The following PRR33 variants were observed in gnomAD, a reference collection of about 807,000 sequenced individuals.
PRR33 encodes proline rich 33.
PRR33 carries 1 observed loss-of-function variant against 0.5 expected under a neutral mutation model. That is an observed-to-expected ratio of 2.18 (90% CI 0.77 to 10.34). The LOEUF (loss-of-function observed/expected upper bound fraction) is 10.34. PRR33 is among the 30% of genes most tolerant of loss of function. The pLI is 0.13. For synonymous variants in PRR33, 226 were observed against 110.0 expected (o/e 2.06, Z -6.60); for missense variants, 552 against 251.8 (o/e 2.19, Z -8.07).
At chr11:1,906,409 T>G in the PRR33 span, among the ~76,000 whole-genome samples, 1 of 152,188 alleles carries the variant, frequency 6.6e-6, no homozygotes, top group Admixed American at 6.5e-5. Flanking sequence ...TCTGAGTGAC[T>G]GATATTTCCT....
the PRR33 span, among the ~76,000 whole-genome samples, chr11:1,904,888 C>T: frequency 1.3e-5 from 2 of 151,668 alleles, no homozygotes; most frequent in Non-Finnish European, 2.9e-5. Flanking sequence ...CTATCCTTCT[C>T]CTCCTTTCCC....
chr11:1,901,049 C>A, the PRR33 span, among the ~76,000 whole-genome samples: 1 of 152,198 alleles, frequency 6.6e-6, no homozygotes, highest in South Asian at 2.1e-4. Flanking sequence ...CGGTGGCTTA[C>A]GCCTGTAACC....
chr11:1,914,310 C>T, the PRR33 span, among the ~76,000 whole-genome samples: 1 of 145,452 alleles, frequency 6.9e-6, no homozygotes, highest in Non-Finnish European at 1.5e-5. Flanking sequence ...GGTCATGCAC[C>T]TGGGATGTCT....
At position 1,890,812 on chromosome 11, in the gene PRR33, C is replaced by T; in HGVS notation, c.-228G>A. Reference sequence around the variant, plus strand: ...TCACCCTAGTGTAGAAATGAGGCCACAGAGGCCGAGTCCCTCCAGGGATGG... The same window carrying T: ...TCACCCTAGTGTAGAAATGAGGCCATAGAGGCCGAGTCCCTCCAGGGATGG... On this transcript the variant is annotated 5_prime_UTR_variant, in exon 1 of 1. It adds an upstream start codon to the 5' untranslated region. Coordinates refer to ENST00000640310, the Ensembl canonical transcript of PRR33. 1.7e-6 allele frequency: 1 copy of T among 579,392 alleles called. No homozygotes were observed. The highest frequency in any genetic ancestry group is 3.1e-6 in the Non-Finnish European group (1 of 325,094). 35.9% of individuals were successfully genotyped at this position (579,392 alleles called of 1,614,324 possible).
the PRR33 span, among the ~76,000 whole-genome samples, chr11:1,912,248 G>GT: frequency 2.6e-5 from 4 of 151,886 alleles, no homozygotes; most frequent in African/African-American, 9.7e-5. Flanking sequence ...AATTCTTGCT[G>GT]TTTTTTGCTT....
At chr11:1,898,127 A>T in the PRR33 span, among the ~76,000 whole-genome samples, 2 of 152,348 alleles carry the variant, frequency 1.3e-5, no homozygotes, top group South Asian at 4.1e-4. Flanking sequence ...CTAGTAAGGG[A>T]TCCAGAGCAA....
the PRR33 span, among the ~76,000 whole-genome samples, chr11:1,897,327 C>G: frequency 6.6e-6 from 1 of 152,180 alleles, no homozygotes; most frequent in Non-Finnish European, 1.5e-5. This position sits in a 1 kb window ranked among gnomAD's most constrained non-coding sequence, Gnocchi z 4.0. Flanking sequence ...CTTGTTTGGT[C>G]CCAAGCCCCA....
chr11:1,902,100 C>T, the PRR33 span, among the ~76,000 whole-genome samples: 12 of 151,984 alleles, frequency 7.9e-5, no homozygotes, highest in Admixed American at 3.9e-4. Context: ...GGCGTGGTGG[C>T]GGGCGCCTGT....
chr11:1,890,292 G>T, exon 1 of PRR33: 1 of 712,076 alleles, frequency 1.4e-6, no homozygotes, highest in Non-Finnish European at 2.6e-6. Context: ...GGGGCGTGGG[G>T]CTTCAGGAAG....
At chr11:1,911,672 C>T in the PRR33 span, among the ~76,000 whole-genome samples, 7 of 151,872 alleles carry the variant, frequency 4.6e-5, no homozygotes, top group African/African-American at 1.7e-4. Flanking sequence ...TCGCCTGCCT[C>T]GGCCTCTCAA....
upstream of PRR33, among the ~76,000 whole-genome samples, chr11:1,893,732 T>C (rs1345654836): frequency 6.7e-6 from 1 of 148,388 alleles, no homozygotes; most frequent in Non-Finnish European, 1.5e-5. Context: ...GATGCATGGA[T>C]GGGTAGATGG....
the PRR33 span, among the ~76,000 whole-genome samples, chr11:1,909,612 AC>A: frequency 6.6e-6 from 1 of 152,174 alleles, no homozygotes; most frequent in East Asian, 1.9e-4. Context: ...CGTCTCAAAA[AC>A]AAAAACAAAA....
chr11:1,911,770 T>C, the PRR33 span, among the ~76,000 whole-genome samples: 1 of 152,196 alleles, frequency 6.6e-6, no homozygotes, highest in East Asian at 1.9e-4. Context: ...AGTGGTGTTA[T>C]ATTTTATCCA....
chr11:1,900,504 CA>C, the PRR33 span, among the ~76,000 whole-genome samples: 1 of 152,212 alleles, frequency 6.6e-6, no homozygotes, highest in Non-Finnish European at 1.5e-5. Flanking sequence ...GAGGGCTTAT[CA>C]GGGTCCTTTC....
the PRR33 span, among the ~76,000 whole-genome samples, chr11:1,902,296 T>C: frequency 6.6e-6 from 1 of 151,396 alleles, no homozygotes; most frequent in South Asian, 2.1e-4. Context: ...CCTTCTAATG[T>C]GGCTACTGCT....
At chr11:1,905,989 ATTTTTTT>A in the PRR33 span, among the ~76,000 whole-genome samples, 1 of 129,624 alleles carries the variant, frequency 7.7e-6, no homozygotes, top group East Asian at 2.3e-4. Flanking sequence ...CAGCTAAAGT[ATTTTTTT>A]TTTTTTTTTT....
the PRR33 span, among the ~76,000 whole-genome samples, chr11:1,906,395 T>C: frequency 1.3e-5 from 2 of 152,228 alleles, no homozygotes; most frequent in African/African-American, 4.8e-5. Context: ...GTCCCACAGT[T>C]GGCTCTGAGT....
At chr11:1,891,217 T>C (rs1848988312) in exon 1 of PRR33, 1 of 152,494 alleles carries the variant, frequency 6.6e-6, no homozygotes. Context: ...GCAGACCTCC[T>C]GTCTGGGGTG....
At chr11:1,913,295 T>G in the PRR33 span, among the ~76,000 whole-genome samples, 2 of 66,692 alleles carry the variant, frequency 3.0e-5, no homozygotes, top group African/African-American at 4.8e-5. Context: ...CCCAGCTAAC[T>G]TTTTTGTTTT....
Sources: gnomAD v4.1 joint callset for allele counts (sites outside exome capture counted in the v4.1 genomes callset) on GRCh38, gnomAD v4.1.1 for gene constraint, Gnocchi (gnomAD v3.1) non-coding constraint, MANE v1.5 for transcripts, NCBI Gene and HGNC (gene_info 2026-07-23, HGNC 2026-07-21) for gene names.